The following LIMD1 variants were observed in gnomAD, a reference collection of about 807,000 sequenced individuals.
LIMD1 encodes LIM domain-containing protein 1.
Under a neutral mutation model 58.4 loss-of-function variants are expected in LIMD1, and 23 were observed. That is an observed-to-expected ratio of 0.39 (90% CI 0.28 to 0.56). The LOEUF (loss-of-function observed/expected upper bound fraction) is 0.56, where lower values mean the gene tolerates loss of function less well. Ranked by LOEUF, LIMD1 falls within the 20% of genes least tolerant of loss-of-function variation. The pLI, the probability that LIMD1 is intolerant of heterozygous loss-of-function variation, is 0.57. For missense variants in LIMD1, 838 were observed against 855.5 expected (o/e 0.98, Z 0.25); for synonymous variants, 334 against 345.5 (o/e 0.97, Z 0.37).
chr3:45,656,603 G>A (rs948353318), intron 2 of LIMD1, among the ~76,000 whole-genome samples: 6 of 151,384 alleles, frequency 4.0e-5, no homozygotes, highest in African/African-American at 1.2e-4. Flanking sequence ...CTGCAACCTC[G>A]GCCTCCCGGG....
rs1482791685 is a variant in LIMD1, at chr3:45,645,682, T to A, written c.1510+9431T>A. Among the ~76,000 whole-genome samples the A allele has an allele frequency of 2.0e-5, 3 of 152,138 alleles. No individual in the cohort carries two copies. The East Asian group carries it at 5.8e-4, about 29-fold the overall frequency. On this transcript the variant is annotated intron_variant, in intron 2 of 7. Transcript: ENST00000273317. ...AGTCCTGGGTTAGGGAGTAAACTCTTTTACCTAGGCCTGACTGTATTCTGG... is the reference window on the plus strand; with the variant it reads ...AGTCCTGGGTTAGGGAGTAAACTCTATTACCTAGGCCTGACTGTATTCTGG...
intron 1 of LIMD1, 113 bp from the exon 2 acceptor site, chr3:45,636,037 G>A: frequency 6.4e-7 from 1 of 1,561,318 alleles, no homozygotes; most frequent in Non-Finnish European, 8.6e-7. Context: ...ACTGGATTTG[G>A]TGGTGGGCTG....
chr3:45,669,642 G>T (rs1281292638), intron 4 of LIMD1, among the ~76,000 whole-genome samples: 3 of 152,132 alleles, frequency 2.0e-5, no homozygotes, highest in African/African-American at 7.2e-5. Context: ...AATTCATTTT[G>T]CTGGTTTTGG....
intron 1 of LIMD1, among the ~76,000 whole-genome samples, chr3:45,635,546 T>C (rs376964969): frequency 1.3e-5 from 2 of 151,512 alleles, no homozygotes; most frequent in South Asian, 4.2e-4. Context: ...TTTGTAAAAA[T>C]TGAGGTTACT....
At position 45,679,495 on chromosome 3, in the gene LIMD1, G is replaced by C. The variant is rs556410186; in HGVS notation, c.*2436G>C. On this transcript the variant is annotated 3_prime_UTR_variant, in exon 8 of 8. Transcript: ENST00000273317. ...ATGGGGTTGTATTTATGGGCGCCTA[G>C]AAAGAAAACACAAGGACTTGGTAGG... 250 of 152,306 alleles carry C rather than the reference G, an allele frequency of 1.6e-3. No individual in the cohort carries two copies. Among genetic ancestry groups the C allele is most frequent in the African/African-American group, 5.6e-3 (232 of 41,548 alleles). 9.4% of individuals were successfully genotyped at this position (152,306 alleles called of 1,614,324 possible).
At chr3:45,627,005 A>G (rs1701673656) in intron 1 of LIMD1, among the ~76,000 whole-genome samples, 1 of 152,230 alleles carries the variant, frequency 6.6e-6, no homozygotes, top group South Asian at 2.1e-4. Flanking sequence ...CCTATTGACT[A>G]TTAATGATCT....
intron 1 of LIMD1, among the ~76,000 whole-genome samples, chr3:45,622,824 C>T (rs1395216532): frequency 6.6e-6 from 1 of 152,044 alleles, no homozygotes; most frequent in Admixed American, 6.5e-5. Context: ...GTGGCTACTG[C>T]ACCTGGCTAA....
intron 1 of LIMD1, among the ~76,000 whole-genome samples, chr3:45,602,344 C>T (rs1038228987): frequency 6.6e-6 from 1 of 152,122 alleles, no homozygotes; most frequent in African/African-American, 2.4e-5. Context: ...TAAAGCTAAC[C>T]AGGAGAGAGC....
chr3:45,647,613 C>T (rs1701920079), intron 2 of LIMD1, among the ~76,000 whole-genome samples: 1 of 152,328 alleles, frequency 6.6e-6, no homozygotes. Flanking sequence ...CTGTTTTGGG[C>T]AGAGCGTCTC....
chr3:45,651,336 A>G (rs1164348305), intron 2 of LIMD1, among the ~76,000 whole-genome samples: 1 of 152,134 alleles, frequency 6.6e-6, no homozygotes, highest in Non-Finnish European at 1.5e-5. Context: ...TCTTTAGTTT[A>G]ATTAGATCCC....
At chr3:45,638,353 T>C (rs1443472802) in intron 2 of LIMD1, among the ~76,000 whole-genome samples, 1 of 152,232 alleles carries the variant, frequency 6.6e-6, no homozygotes, top group Admixed American at 6.5e-5. Context: ...AAAGGTATAT[T>C]GTGTGAATCT....
rs1346325155 is a variant in LIMD1 at position 45,656,568 on chromosome 3, A to T, written c.1511-9082A>T. On this transcript the variant is annotated intron_variant, in intron 2 of 7. Transcript: ENST00000273317. Reference sequence around the variant, plus strand: ...GAGTCTCACTCTGTCGCCAGGCTGGAGTGCAGTGGTGCAATCTCGGCTCAC... The same window carrying T: ...GAGTCTCACTCTGTCGCCAGGCTGGTGTGCAGTGGTGCAATCTCGGCTCAC... 2.0e-5 allele frequency among the ~76,000 whole-genome samples: 3 copies of T among 149,976 alleles called. No homozygotes were observed. The Admixed American group carries it at 2.0e-4, about 10-fold the overall frequency.
rs74681569 is a variant in LIMD1 at position 45,660,304 on chromosome 3, G to A, written c.1511-5346G>A. ...GCGGGAATTCCGAGAAGGAAGAGGCGAAAGTGGGGAGCTCCACAAGTAAAG... is the reference window on the plus strand; with the variant it reads ...GCGGGAATTCCGAGAAGGAAGAGGCAAAAGTGGGGAGCTCCACAAGTAAAG... On this transcript the variant is annotated intron_variant, in intron 2 of 7. Transcript: ENST00000273317. Among the ~76,000 whole-genome samples the A allele has an allele frequency of 5.2e-3, 789 of 152,092 alleles. 9 individuals carry two copies. Among genetic ancestry groups the A allele is most frequent in the African/African-American group, 0.018 (751 of 41,454 alleles).
At chr3:45,659,240 T>C (rs1404549708) in intron 2 of LIMD1, among the ~76,000 whole-genome samples, 3 of 152,228 alleles carry the variant, frequency 2.0e-5, no homozygotes, top group African/African-American at 7.2e-5. Flanking sequence ...ATATCAGTGG[T>C]ATCTGCAAAT....
intron 1 of LIMD1, chr3:45,635,903 C>G: frequency 4.1e-6 from 4 of 985,278 alleles, no homozygotes; most frequent in Non-Finnish European, 4.8e-6. Flanking sequence ...CCCAGGAATT[C>G]TGGACATTAG....
intron 1 of LIMD1, among the ~76,000 whole-genome samples, chr3:45,605,070 C>T (rs1701454995): frequency 1.3e-5 from 2 of 152,254 alleles, no homozygotes; most frequent in African/African-American, 4.8e-5. Flanking sequence ...GAAACCAGGT[C>T]TTCTGGGCCT....
chr3:45,619,903 C>A (rs1165563464), intron 1 of LIMD1, among the ~76,000 whole-genome samples: 2 of 134,174 alleles, frequency 1.5e-5, no homozygotes, highest in African/African-American at 5.6e-5. Context: ...AAGCTGAGAC[C>A]TGAAGGGAGT....
intron 2 of LIMD1, among the ~76,000 whole-genome samples, chr3:45,657,130 G>A (rs1182745885): frequency 3.3e-5 from 5 of 152,080 alleles, no homozygotes; most frequent in Admixed American, 3.3e-4. Flanking sequence ...TACCTTTTCT[G>A]CCTCCCTGCT....
chr3:45,624,194 C>T (rs1251207968), intron 1 of LIMD1, among the ~76,000 whole-genome samples: 1 of 152,196 alleles, frequency 6.6e-6, no homozygotes. Flanking sequence ...CAGATGCTGA[C>T]TGGATGCCCT....
Sources: gnomAD v4.1 joint callset for allele counts (sites outside exome capture counted in the v4.1 genomes callset) on GRCh38, gnomAD v4.1.1 for gene constraint, MANE v1.5 for transcripts, NCBI Gene and HGNC (gene_info 2026-07-23, HGNC 2026-07-21) for gene names.